The following FGF10 variants were observed in gnomAD, a reference collection of about 807,000 sequenced individuals.
FGF10 encodes the protein FGF-10.
Under a neutral mutation model 19.8 loss-of-function variants are expected in FGF10, and 2 were observed. The ratio of observed to expected loss-of-function variants is 0.10; its 90% CI spans 0.04 to 0.32. FGF10 has a LOEUF of 0.32. Ranked by LOEUF, FGF10 falls within the 10% of genes least tolerant of loss-of-function variation. The pLI is 1.00. For missense variants in FGF10, 191 were observed against 246.3 expected (o/e 0.78, Z 1.50); for synonymous variants, 112 against 94.0 (o/e 1.19, Z -1.10).
At chr5:44,368,730 A>G (rs1228488373) in intron 1 of FGF10, among the ~76,000 whole-genome samples, 1 of 151,994 alleles carries the variant, frequency 6.6e-6, no homozygotes, top group Non-Finnish European at 1.5e-5. Context: ...GTTCAGTGGC[A>G]CCATCAGGGC....
In FGF10 at chr5:44,342,772, C is replaced by T. The variant is rs148125223; in HGVS notation, c.326-32242G>A. 2.6e-3 allele frequency among the ~76,000 whole-genome samples: 389 copies of T among 152,050 alleles called. 3 individuals are homozygous for T. Among genetic ancestry groups the T allele is most frequent in the African/African-American group, 9.1e-3 (377 of 41,514 alleles). On this transcript the variant is annotated intron_variant, in intron 1 of 2. Coordinates refer to ENST00000264664, the MANE Select transcript of FGF10 (RefSeq NM_004465.2). ...GCCGTCTAAAGGAAATCCATGATGT[C>T]TCCAAATTTGGGGATGTCAGTCTCT...
chr5:44,328,504 T>C lies in FGF10; in HGVS notation c.326-17974A>G, dbSNP rs537178395. ...CGGGCATGGTGGCTCACTCTTGTAA[T>C]CCCAGCACTTTGGGAAGCCAATGCA... On this transcript the variant is annotated intron_variant, in intron 1 of 2. Coordinates refer to ENST00000264664, the MANE Select transcript of FGF10 (RefSeq NM_004465.2). Among the ~76,000 whole-genome samples the C allele has an allele frequency of 7.2e-5, 11 of 152,298 alleles. No individual in the cohort carries two copies. In the South Asian group the frequency reaches 1.7e-3, roughly 23 times the overall value.
intron 1 of FGF10, among the ~76,000 whole-genome samples, chr5:44,319,918 G>T (rs985015342): frequency 1.3e-5 from 2 of 152,160 alleles, no homozygotes; most frequent in African/African-American, 4.8e-5. Flanking sequence ...GAAGTGGCCG[G>T]TGGTGAGTGA....
chr5:44,337,926 C>T (rs141047701), intron 1 of FGF10, among the ~76,000 whole-genome samples: 2,022 of 151,802 alleles, frequency 0.013, 89 homozygotes, highest in East Asian at 0.12. Context: ...GGCGACACAG[C>T]GAGACTCTGT....
rs141577517 is a variant in FGF10 at position 44,314,193 on chromosome 5, G to T, written c.326-3663C>A. Among the ~76,000 whole-genome samples the T allele has an allele frequency of 2.6e-5, 4 of 152,150 alleles. No individual in the cohort carries two copies. In the East Asian group the frequency reaches 7.7e-4, roughly 29 times the overall value. Reference sequence around the variant, plus strand: ...TATGGTGTTTTCAAATATCATAAGAGGTTTGATTTACCAACTGGAGTACAA... The same window carrying T: ...TATGGTGTTTTCAAATATCATAAGATGTTTGATTTACCAACTGGAGTACAA... On this transcript the variant is annotated intron_variant, in intron 1 of 2. Coordinates refer to ENST00000264664, the MANE Select transcript of FGF10 (RefSeq NM_004465.2).
intron 1 of FGF10, among the ~76,000 whole-genome samples, chr5:44,316,481 T>C (rs1033794086): frequency 1.3e-5 from 2 of 152,178 alleles, no homozygotes; most frequent in African/African-American, 4.8e-5. Context: ...ATTTTTGACT[T>C]AGTAATTCTA....
intron 2 of FGF10, among the ~76,000 whole-genome samples, chr5:44,309,541 C>T (rs1448567807): frequency 6.6e-6 from 1 of 152,100 alleles, no homozygotes; most frequent in Non-Finnish European, 1.5e-5. Context: ...CATTTCTATA[C>T]TTCTTTCTTA....
At chr5:44,327,588 A>T (rs1740643566) in intron 1 of FGF10, among the ~76,000 whole-genome samples, 1 of 152,110 alleles carries the variant, frequency 6.6e-6, no homozygotes, top group African/African-American at 2.4e-5. Context: ...AATATAAACA[A>T]CTGCTTGTTG....
intron 1 of FGF10, among the ~76,000 whole-genome samples, chr5:44,317,491 A>T (rs1248283288): frequency 6.6e-6 from 1 of 152,208 alleles, no homozygotes; most frequent in Non-Finnish European, 1.5e-5. Context: ...ATTGTCATTG[A>T]TCTAACATTA....
In FGF10 at chr5:44,319,887, A is replaced by G. The variant is rs566293809; in HGVS notation, c.326-9357T>C. Reference sequence around the variant, plus strand: ...GACTGGTACTGGTCCATGGCCTGGTAGGAACCAGGCTGCACAGCAGGAAGT... The same window carrying G: ...GACTGGTACTGGTCCATGGCCTGGTGGGAACCAGGCTGCACAGCAGGAAGT... On this transcript the variant is annotated intron_variant, in intron 1 of 2. Coordinates refer to ENST00000264664, the MANE Select transcript of FGF10 (RefSeq NM_004465.2). Among the ~76,000 whole-genome samples the G allele has an allele frequency of 2.1e-4, 32 of 152,302 alleles. No homozygotes were observed. In the South Asian group the frequency reaches 5.6e-3, roughly 27 times the overall value.
At chr5:44,364,956 TA>T (rs1419576404) in intron 1 of FGF10, among the ~76,000 whole-genome samples, 1 of 151,830 alleles carries the variant, frequency 6.6e-6, no homozygotes, top group Non-Finnish European at 1.5e-5. Flanking sequence ...CAAAATGAGC[TA>T]AAATGAGAGA....
At chr5:44,384,245 A>C (rs995983797) in intron 1 of FGF10, among the ~76,000 whole-genome samples, 1 of 152,140 alleles carries the variant, frequency 6.6e-6, no homozygotes, top group Non-Finnish European at 1.5e-5. Context: ...TTTCTTAAAT[A>C]GTCATGTATT....
At chr5:44,387,308 C>T (rs1455430817) in intron 1 of FGF10, among the ~76,000 whole-genome samples, 1 of 152,040 alleles carries the variant, frequency 6.6e-6, no homozygotes, top group Non-Finnish European at 1.5e-5. Context: ...AACCAGCCCA[C>T]ACCCCTGCAA....
chr5:44,319,096 C>T (rs1384491966), intron 1 of FGF10, among the ~76,000 whole-genome samples: 1 of 152,094 alleles, frequency 6.6e-6, no homozygotes, highest in Non-Finnish European at 1.5e-5. Flanking sequence ...TCTACCTCAC[C>T]ATGAGGCTCC....
At chr5:44,361,471 C>A (rs950376959) in intron 1 of FGF10, among the ~76,000 whole-genome samples, 16 of 151,550 alleles carry the variant, frequency 1.1e-4, no homozygotes, top group Non-Finnish European at 1.8e-4. Flanking sequence ...GGGGATGACC[C>A]ACAGTGTTAA....
intron 1 of FGF10, among the ~76,000 whole-genome samples, chr5:44,356,102 A>G (rs973557058): frequency 2.0e-5 from 3 of 151,524 alleles, no homozygotes; most frequent in East Asian, 1.9e-4. Context: ...AATAAAAAAT[A>G]TTCTTTGCCA....
intron 2 of FGF10, among the ~76,000 whole-genome samples, 197 bp downstream of exon 2, chr5:44,310,230 A>T (rs540573060): frequency 6.6e-6 from 1 of 152,222 alleles, no homozygotes; most frequent in African/African-American, 2.4e-5. Flanking sequence ...TGGTAGACTA[A>T]TGGGTGAACA....
chr5:44,361,371 C>G (rs2111853780), intron 1 of FGF10, among the ~76,000 whole-genome samples: 1 of 151,750 alleles, frequency 6.6e-6, no homozygotes, highest in African/African-American at 2.4e-5. Context: ...GAAGGCCACT[C>G]AAGGGGTCCA....
chr5:44,324,673 G>A (rs1334701884), intron 1 of FGF10, among the ~76,000 whole-genome samples: 1 of 152,010 alleles, frequency 6.6e-6, no homozygotes, highest in Admixed American at 6.6e-5. Flanking sequence ...TTATAATAAT[G>A]CATGATGATT....
Sources: allele counts gnomAD v4.1 joint callset (sites outside exome capture counted in the v4.1 genomes callset), GRCh38; gene constraint gnomAD v4.1.1; transcripts MANE v1.5; gene names NCBI Gene and HGNC (gene_info 2026-07-23, HGNC 2026-07-21).